Variants in TJAP1 observed in about 807,000 individuals in gnomAD.
TJAP1 encodes the protein tight junction-associated protein 1.
A neutral mutation model predicts 42.0 loss-of-function variants in TJAP1; 27 were observed. That is an observed-to-expected ratio of 0.64 (90% CI 0.47 to 0.89). TJAP1 has a LOEUF of 0.89. Ranked by LOEUF, TJAP1 falls within the 40% of genes least tolerant of loss-of-function variation. The pLI is 0.00. For missense variants in TJAP1, 712 were observed against 726.9 expected (o/e 0.98, Z 0.24); for synonymous variants, 257 against 288.4 (o/e 0.89, Z 1.10).
chr6:43,499,095 C>T lies in TJAP1; in HGVS notation c.94C>T (p.Gln32Ter). The change falls in exon 4 of 11, where the codon CAG (glutamine) becomes TAG (stop). Residue 32 changes from glutamine to a stop codon, truncating the protein, a stop_gained. Coordinates refer to ENST00000372449, the Ensembl canonical transcript of TJAP1. LOFTEE classifies it high-confidence loss of function. ...GGAAATTCCTGGATCCCGGCTTGAGCAGGAGGTCAGCAAGACTGGTATCAC... is the reference window on the plus strand; with the variant it reads ...GGAAATTCCTGGATCCCGGCTTGAGTAGGAGGTCAGCAAGACTGGTATCAC... 6.2e-7 allele frequency: 1 copy of T among 1,613,670 alleles called. No homozygotes were observed. The highest frequency in any genetic ancestry group is 8.5e-7 in the Non-Finnish European group (1 of 1,179,914).
intron 2 of TJAP1, among the ~76,000 whole-genome samples, chr6:43,486,229 T>C (rs1786472848): frequency 6.6e-6 from 1 of 151,964 alleles, no homozygotes; most frequent in African/African-American, 2.4e-5. Flanking sequence ...TCTCCCAAAG[T>C]GCAGGGATTA....
chr6:43,496,688 A>G (rs1181253174), intron 2 of TJAP1, among the ~76,000 whole-genome samples: 2 of 146,530 alleles, frequency 1.4e-5, no homozygotes, highest in Admixed American at 1.3e-4. Flanking sequence ...AGTCATGGCC[A>G]GGGCATGTCC....
chr6:43,500,253 C>G (rs180733408), intron 4 of TJAP1, among the ~76,000 whole-genome samples: 1 of 152,222 alleles, frequency 6.6e-6, no homozygotes, highest in Non-Finnish European at 1.5e-5. Context: ...GATTAGTCCT[C>G]TTCTCCCATG....
chr6:43,505,057 C>G lies in TJAP1; in HGVS notation c.876C>G (p.His292Gln), dbSNP rs753088689. The G allele has an allele frequency of 6.2e-7, 1 of 1,614,114 alleles. No individual in the cohort carries two copies. The highest frequency in any genetic ancestry group is 8.5e-7 in the Non-Finnish European group (1 of 1,180,018). The change falls in exon 11 of 11, where the codon CAC becomes CAG. Residue 292 changes from histidine (H) to glutamine (Q), a missense_variant. Transcript: ENST00000372449. This position sits in a 1 kb window ranked among gnomAD's most constrained non-coding sequence, Gnocchi z 5.5. ...CCCCACAACCCAATGGGGAGTGCCA[C>G]TCTCTGGGTACTGCCAGGGGCTCCC...
intron 2 of TJAP1, among the ~76,000 whole-genome samples, chr6:43,479,182 C>A (rs1784804003): frequency 1.3e-5 from 2 of 152,156 alleles, no homozygotes; most frequent in Admixed American, 1.3e-4. Flanking sequence ...TTGGGAGTAG[C>A]CTTCTTATTG....
intron 2 of TJAP1, among the ~76,000 whole-genome samples, chr6:43,484,356 G>A (rs1785982536): frequency 6.6e-6 from 1 of 152,152 alleles, no homozygotes; most frequent in African/African-American, 2.4e-5. Flanking sequence ...CTACTCAGGA[G>A]GCTGAGGCAG....
Position 43,502,596 on chromosome 6 carries a change from T to TA in TJAP1, c.367dup (p.Ser123LysfsTer12). The stretch of plus-strand genomic sequence containing the variant: ...CTGCACTCTCCTCTCAGGCCTCTCT[T>TA]AGCCACAGCTGGATTTTTGCAGTTG... On this transcript the variant is annotated frameshift_variant, in exon 8 of 11. Transcript: ENST00000372449. LOFTEE classifies it high-confidence loss of function. 1 of 1,551,788 alleles carries TA rather than the reference T, an allele frequency of 6.4e-7. No individual in the cohort carries two copies. Among genetic ancestry groups the TA allele is most frequent in the East Asian group, 2.4e-5 (1 of 40,926 alleles).
rs1787711356 is a variant in TJAP1 at position 43,491,101 on chromosome 6, T to G, written c.-121-6780T>G. Among the ~76,000 whole-genome samples, 1 of 152,134 alleles carries G rather than the reference T, an allele frequency of 6.6e-6. No homozygotes were observed. On this transcript the variant is annotated intron_variant, in intron 2 of 10. Coordinates refer to ENST00000372449, the Ensembl canonical transcript of TJAP1. The surrounding 1 kb of genome is among the most constrained non-coding windows in gnomAD (Gnocchi z 4.6). Reference sequence around the variant, plus strand: ...GCTGCCTAAGTGGATTCTGTTCCCCTTGGGCTGGGTGAGAGAAGGCAGCAG... The same window carrying G: ...GCTGCCTAAGTGGATTCTGTTCCCCGTGGGCTGGGTGAGAGAAGGCAGCAG...
In TJAP1 at chr6:43,491,257, G is replaced by A. The variant is rs759820445; in HGVS notation, c.-121-6624G>A. 1.6e-4 allele frequency among the ~76,000 whole-genome samples: 25 copies of A among 152,100 alleles called. No homozygotes were observed. Among genetic ancestry groups the A allele is most frequent in the Admixed American group, 5.2e-4 (8 of 15,266 alleles). ...TAGATTAAGAGACCAAAGTTGGTGG[G>A]GGATATCCATGTTGACCAGAAATAT... On this transcript the variant is annotated intron_variant, in intron 2 of 10. Transcript: ENST00000372449. This position sits in a 1 kb window ranked among gnomAD's most constrained non-coding sequence, Gnocchi z 4.6.
Position 43,492,785 on chromosome 6 carries a change from TAG to T in TJAP1, c.-121-5094_-121-5093del, listed in dbSNP as rs1788098084. Among the ~76,000 whole-genome samples, 1 of 152,138 alleles carries T rather than the reference TAG, an allele frequency of 6.6e-6. No individual in the cohort carries two copies. The highest frequency in any genetic ancestry group is 2.4e-5 in the African/African-American group (1 of 41,418). On this transcript the variant is annotated intron_variant, in intron 2 of 10. Coordinates refer to ENST00000372449, the Ensembl canonical transcript of TJAP1. This position sits in a 1 kb window ranked among gnomAD's most constrained non-coding sequence, Gnocchi z 4.2. ...TTGCAGGGTGACCATTTGTGTTCCT[TAG>T]ACATCAGTTGGGGGCAGAGACTGGA...
At chr6:43,499,244 C>A in intron 4 of TJAP1, 144 bp downstream of exon 4, 1 of 1,270,014 alleles carries the variant, frequency 7.9e-7, no homozygotes, top group South Asian at 1.4e-5. Context: ...GTCTCCTAGC[C>A]GCAGTAGTGC....
chr6:43,504,558 C>G, intron 10 of TJAP1: 1 of 689,704 alleles, frequency 1.4e-6, no homozygotes, highest in Non-Finnish European at 2.4e-6. Context: ...CCAAGTTAAC[C>G]AAAGCTTTGA....
chr6:43,504,664 A>G (rs1477993857), intron 10 of TJAP1, 97 bp from the exon 11 acceptor site: 15 of 1,449,272 alleles, frequency 1.0e-5, no homozygotes, highest in Non-Finnish European at 4.7e-6. Flanking sequence ...CTGAGTACAC[A>G]GAGGTACTTA....
At chr6:43,501,669 TTAAGGA>T in exon 6 of TJAP1, 1 of 1,334,054 alleles carries the variant, frequency 7.5e-7, no homozygotes, top group Non-Finnish European at 1.1e-6. Flanking sequence ...CTGGACAAAT[TTAAGGA>T]TAAGTTCCGC....
rs549074922 is a variant in TJAP1 at position 43,479,912 on chromosome 6, G to A, written c.-122+1680G>A. On this transcript the variant is annotated intron_variant, in intron 2 of 10. Transcript: ENST00000372449. Reference sequence around the variant, plus strand: ...TTGAACCTGGGTGGTGGAGGTTGCAGTGAGCTGAGATTGCACCACTGCACT... The same window carrying A: ...TTGAACCTGGGTGGTGGAGGTTGCAATGAGCTGAGATTGCACCACTGCACT... Among the ~76,000 whole-genome samples, 10 of 152,208 alleles carry A rather than the reference G, an allele frequency of 6.6e-5. No individual in the cohort carries two copies. In the South Asian group the frequency reaches 2.1e-3, roughly 32 times the overall value.
At chr6:43,489,431 C>A (rs1328370528) in intron 2 of TJAP1, among the ~76,000 whole-genome samples, 1 of 152,250 alleles carries the variant, frequency 6.6e-6, no homozygotes, top group Non-Finnish European at 1.5e-5. Flanking sequence ...TTGTACTGTG[C>A]TTTCCGACGC....
chr6:43,499,192 C>A, intron 4 of TJAP1, 92 bp downstream of exon 4: 1 of 1,558,056 alleles, frequency 6.4e-7, no homozygotes, highest in Non-Finnish European at 8.7e-7. Flanking sequence ...GCTTCTGGTC[C>A]TGAGTTGGGG....
chr6:43,481,995 A>G (rs954307549), intron 2 of TJAP1, among the ~76,000 whole-genome samples: 1 of 152,186 alleles, frequency 6.6e-6, no homozygotes, highest in African/African-American at 2.4e-5. Context: ...TGGCCCTCTG[A>G]TGACCTTTCC....
intron 2 of TJAP1, among the ~76,000 whole-genome samples, chr6:43,496,782 G>GT (rs1789270744): frequency 6.6e-6 from 1 of 152,234 alleles, no homozygotes; most frequent in African/African-American, 2.4e-5. Context: ...GGAAGAGATT[G>GT]TTTTTTCTGC....
Sources: allele counts gnomAD v4.1 joint callset (sites outside exome capture counted in the v4.1 genomes callset), GRCh38; gene constraint gnomAD v4.1.1; non-coding constraint Gnocchi (gnomAD v3.1); transcripts MANE v1.5; gene names NCBI Gene and HGNC (gene_info 2026-07-23, HGNC 2026-07-21).